SOD2: variants seen among roughly 807,000 people sequenced by gnomAD.
The protein encoded by SOD2 is superoxide dismutase [Mn], mitochondrial.
SOD2 carries 11 observed loss-of-function variants against 27.0 expected under a neutral mutation model. That is an observed-to-expected ratio of 0.41 (90% CI 0.26 to 0.67). The LOEUF (loss-of-function observed/expected upper bound fraction) is 0.67, where lower values mean the gene tolerates loss of function less well. SOD2 is among the 30% of genes least tolerant of loss of function. The pLI is 0.34. For missense variants in SOD2, 250 were observed against 274.5 expected (o/e 0.91, Z 0.63); for synonymous variants, 105 against 103.0 (o/e 1.02, Z -0.12).
chr6:159,725,125 T>C (rs1042399565), intron 1 of SOD2, among the ~76,000 whole-genome samples: 1 of 152,100 alleles, frequency 6.6e-6, no homozygotes, highest in Non-Finnish European at 1.5e-5. Context: ...TCCAATCTCC[T>C]GCATATAAGG....
intron 1 of SOD2, chr6:159,755,765 C>CTTTTTTTTTTTTTTTTTTTTTA: frequency 5.8e-6 from 1 of 171,464 alleles, no homozygotes; most frequent in Non-Finnish European, 7.1e-6. Context: ...TTTTTCTTTT[C>CTTTTTTTTTTTTTTTTTTTTTA]TTTTTTTTTT....
At chr6:159,738,351 TA>T (rs1384026592) in intron 1 of SOD2, among the ~76,000 whole-genome samples, 5 of 152,238 alleles carry the variant, frequency 3.3e-5, no homozygotes, top group African/African-American at 1.2e-4. Flanking sequence ...TTTTTGAGAC[TA>T]TTTTTTTTCC....
At chr6:159,751,510 T>C (rs539927429) in intron 1 of SOD2, among the ~76,000 whole-genome samples, 1 of 152,376 alleles carries the variant, frequency 6.6e-6, no homozygotes, top group East Asian at 1.9e-4. Flanking sequence ...TCCCATTGTT[T>C]AATTTCTAAG....
chr6:159,762,163 G>A (rs1562473730), exon 1 of SOD2: 2 of 1,606,176 alleles, frequency 1.2e-6, no homozygotes, highest in Non-Finnish European at 1.7e-6. Context: ...GGCGGGAGCC[G>A]CGCAGAGTCC....
At chr6:159,761,891 CCCGCGCG>C (rs1562473283) in exon 1 of SOD2, 1 of 334,198 alleles carries the variant, frequency 3.0e-6, no homozygotes, top group Non-Finnish European at 5.1e-6. Flanking sequence ...CGCCCCGCGC[CCCGCGCG>C]CCTCCGCCCG....
At chr6:159,729,284 G>A (rs1046619563), upstream of SOD2, among the ~76,000 whole-genome samples, 1 of 152,206 alleles carries the variant, frequency 6.6e-6, no homozygotes, top group Non-Finnish European at 1.5e-5. Context: ...GAAGACTGAA[G>A]ATAGTATTTT....
At chr6:159,714,819 T>C (rs1299803905) in intron 1 of SOD2, among the ~76,000 whole-genome samples, 8 of 152,166 alleles carry the variant, frequency 5.3e-5, no homozygotes, top group Non-Finnish European at 1.0e-4. Context: ...TTTTCTGTCT[T>C]GGTAGACTGC....
intron 2 of SOD2, chr6:159,691,762 G>A (rs542788122): frequency 6.6e-6 from 1 of 151,392 alleles, no homozygotes; most frequent in East Asian, 1.9e-4. Context: ...TATTTTAATT[G>A]CATTACAAAT....
chr6:159,717,897 ATGTGTGTGTGTGTGTG>A (rs66742481), intron 1 of SOD2, among the ~76,000 whole-genome samples: 2 of 149,480 alleles, frequency 1.3e-5, no homozygotes, highest in African/African-American at 2.5e-5. Flanking sequence ...ATGTATGGAT[ATGTGTGTGTGTGTGTG>A]TGTGTGTGTG....
At chr6:159,710,700 C>T (rs199657872) in intron 1 of SOD2, among the ~76,000 whole-genome samples, 1 of 149,918 alleles carries the variant, frequency 6.7e-6, no homozygotes, top group Non-Finnish European at 1.5e-5. Flanking sequence ...TCTGATCACC[C>T]TAACCACCTC....
chr6:159,711,031 C>T, intron 1 of SOD2, among the ~76,000 whole-genome samples: 1 of 73,594 alleles, frequency 1.4e-5, no homozygotes, highest in Non-Finnish European at 3.0e-5. Flanking sequence ...ATAACCACCA[C>T]TCAACAGCTC....
intron 1 of SOD2, among the ~76,000 whole-genome samples, chr6:159,723,098 C>G (rs1778071850): frequency 6.6e-6 from 1 of 152,238 alleles, no homozygotes; most frequent in Non-Finnish European, 1.5e-5. Flanking sequence ...AGCTTTCCCA[C>G]TCCTCTGCAT....
chr6:159,752,351 CT>C (rs934419970), intron 1 of SOD2, among the ~76,000 whole-genome samples: 1 of 151,522 alleles, frequency 6.6e-6, no homozygotes, highest in African/African-American at 2.4e-5. Flanking sequence ...GTGATCATTT[CT>C]TTTTTTTTCT....
Position 159,674,918 on chromosome 6 carries a change from T to C in SOD2, c.*7575A>G, listed in dbSNP as rs1200985260. 1 of 152,208 alleles carries C rather than the reference T, an allele frequency of 6.6e-6. No individual in the cohort carries two copies. Among genetic ancestry groups the C allele is most frequent in the African/African-American group, 2.4e-5 (1 of 41,450 alleles). The allele number at this position is 152,208 out of a possible 1,614,324, so 9.4% of individuals were successfully genotyped here. A position where few individuals can be genotyped will look rare whatever the true frequency, so the allele number is the denominator to read the frequency against. ...GCAAAATCTCAGGATACAAAATCAA[T>C]GTGCAAAAATCACAAGCATTCTTAT... On this transcript the variant is annotated 3_prime_UTR_variant, in exon 5 of 5. Transcript: ENST00000538183.
intron 1 of SOD2, among the ~76,000 whole-genome samples, chr6:159,724,325 T>C (rs1778098008): frequency 6.6e-6 from 1 of 152,180 alleles, no homozygotes; most frequent in South Asian, 2.1e-4. Context: ...TGTATCTCAT[T>C]CTCTCACACA....
intron 1 of SOD2, chr6:159,753,291 C>A: frequency 1.0e-6 from 1 of 994,170 alleles, no homozygotes; most frequent in Non-Finnish European, 1.4e-6. Context: ...TGGCAAAATA[C>A]TGAAATGCAG....
exon 1 of SOD2, chr6:159,761,866 CCGCCCCGCGCCCCGCGCCCCG>C (rs58958183): frequency 6.1e-5 from 16 of 262,846 alleles, no homozygotes; most frequent in East Asian, 1.5e-4. Flanking sequence ...GGCCTCACTT[CCGCCCCGCGCCCCGCGCCCCG>C]CGCCCCGCGC....
chr6:159,728,981 C>T (rs1778398717), upstream of SOD2, among the ~76,000 whole-genome samples: 1 of 152,142 alleles, frequency 6.6e-6, no homozygotes, highest in Non-Finnish European at 1.5e-5. Flanking sequence ...TTACATGGCT[C>T]TTTTATGTCT....
chr6:159,755,967 CTG>C (rs1779999822), intron 1 of SOD2: 3 of 203,404 alleles, frequency 1.5e-5, no homozygotes, highest in Non-Finnish European at 2.0e-5. Context: ...TGTTTAGAAT[CTG>C]TGCTGTGTAA....
Sources: allele counts gnomAD v4.1 joint callset (sites outside exome capture counted in the v4.1 genomes callset), GRCh38; gene constraint gnomAD v4.1.1; transcripts MANE v1.5; gene names NCBI Gene and HGNC (gene_info 2026-07-23, HGNC 2026-07-21).